The following PDE4D variants were observed in gnomAD, a reference collection of about 807,000 sequenced individuals.
The protein encoded by PDE4D is phosphodiesterase 4D.
A neutral mutation model predicts 87.4 loss-of-function variants in PDE4D; 24 were observed. The observed-to-expected ratio is 0.27, with a 90% CI of 0.20 to 0.39. The LOEUF (loss-of-function observed/expected upper bound fraction) is 0.39. Ranked by LOEUF, PDE4D falls within the 10% of genes least tolerant of loss-of-function variation. The pLI is 1.00. For missense variants in PDE4D, 714 were observed against 1,041.0 expected (o/e 0.69, Z 4.32); for synonymous variants, 384 against 383.2 (o/e 1.00, Z -0.02).
intron 1 of PDE4D, among the ~76,000 whole-genome samples, chr5:60,486,468 C>T (rs563136968): frequency 9.2e-5 from 14 of 152,280 alleles, no homozygotes; most frequent in African/African-American, 2.9e-4. Context: ...AAGGAGTCTA[C>T]GTTGGCTACT....
rs917355193 is a variant in PDE4D at position 59,557,407 on chromosome 5, T to A, written c.455+335761A>T. 9.8e-5 allele frequency among the ~76,000 whole-genome samples: 15 copies of A among 152,312 alleles called. No homozygotes were observed. In the East Asian group the frequency reaches 2.9e-3, roughly 29 times the overall value. On this transcript the variant is annotated intron_variant, in intron 1 of 14. Transcript: ENST00000340635. ...GTTTTATTTTCTGGCCAGGTTGGCA[T>A]TTTGAGATCTAGAATCTTTATATGC... is the stretch of plus-strand genomic sequence containing the variant.
intron 1 of PDE4D, among the ~76,000 whole-genome samples, chr5:59,594,928 C>T (rs1295877386): frequency 6.6e-6 from 1 of 151,786 alleles, no homozygotes; most frequent in Non-Finnish European, 1.5e-5. Flanking sequence ...AAAAAATGTA[C>T]CACTTTTGTG....
At chr5:59,419,784 T>C (rs1224476932) in intron 1 of PDE4D, among the ~76,000 whole-genome samples, 1 of 152,210 alleles carries the variant, frequency 6.6e-6, no homozygotes, top group East Asian at 1.9e-4. Flanking sequence ...CATAGATACA[T>C]CTTTTGATGG....
Position 59,762,310 on chromosome 5 carries a change from G to GTATATGGGTACACATATGCA in PDE4D, c.455+130857_455+130858insTGCATATGTGTACCCATATA, listed in dbSNP as rs1561615241. On this transcript the variant is annotated intron_variant, in intron 1 of 14. Coordinates refer to ENST00000340635, the MANE Select transcript of PDE4D (RefSeq NM_001104631.2). ...TATGCGTATATGGGTACACATATGC[G>GTATATGGGTACACATATGCA]TATATGGGTACACATATGCGTATAT... Among the ~76,000 whole-genome samples, 45 of 146,588 alleles carry GTATATGGGTACACATATGCA rather than the reference G, an allele frequency of 3.1e-4. 3 individuals are homozygous for GTATATGGGTACACATATGCA. The highest frequency in any genetic ancestry group is 1.2e-3 in the African/African-American group (44 of 37,644).
intron 3 of PDE4D, among the ~76,000 whole-genome samples, chr5:59,928,358 A>G (rs1046638818): frequency 6.6e-6 from 1 of 152,000 alleles, no homozygotes; most frequent in African/African-American, 2.4e-5. Flanking sequence ...TGGGCAGATG[A>G]CCTGAGGTCA....
chr5:59,352,087 C>T (rs527849377), intron 1 of PDE4D, among the ~76,000 whole-genome samples: 2 of 152,226 alleles, frequency 1.3e-5, no homozygotes, highest in South Asian at 2.1e-4. Context: ...CTAGATCCAC[C>T]TCCCGAGGCT....
At chr5:59,183,668 C>A (rs1742218526) in intron 4 of PDE4D, among the ~76,000 whole-genome samples, 1 of 152,188 alleles carries the variant, frequency 6.6e-6, no homozygotes, top group South Asian at 2.1e-4. Flanking sequence ...TTACAAGCTA[C>A]CAAATCCCCA....
intron 2 of PDE4D, among the ~76,000 whole-genome samples, chr5:60,080,913 T>C (rs1773856228): frequency 6.6e-6 from 1 of 151,938 alleles, no homozygotes; most frequent in African/African-American, 2.4e-5. Context: ...TAGGGAGGAG[T>C]CCCTCCTTTT....
intron 1 of PDE4D, among the ~76,000 whole-genome samples, chr5:59,850,180 A>G (rs1581412669): frequency 6.6e-6 from 1 of 152,038 alleles, no homozygotes; most frequent in East Asian, 1.9e-4. Context: ...ACATGCACAC[A>G]CACACATATT....
chr5:60,500,241 C>T (rs1750007394), intron 1 of PDE4D, among the ~76,000 whole-genome samples: 1 of 152,070 alleles, frequency 6.6e-6, no homozygotes, highest in South Asian at 2.1e-4. Context: ...AAGGTCGAGG[C>T]TGCAGTGAGC....
At chr5:60,149,126 G>C (rs944733316) in intron 2 of PDE4D, among the ~76,000 whole-genome samples, 15 of 152,082 alleles carry the variant, frequency 9.9e-5, no homozygotes, top group Non-Finnish European at 1.5e-5. Context: ...TTCTTTTTCA[G>C]GTTTTCATTT....
chr5:60,041,552 C>A (rs1322218470), intron 2 of PDE4D, among the ~76,000 whole-genome samples: 2 of 152,178 alleles, frequency 1.3e-5, no homozygotes, highest in South Asian at 2.1e-4. Flanking sequence ...CAGCTCCCAG[C>A]GAGACCAATG....
intron 1 of PDE4D, among the ~76,000 whole-genome samples, chr5:59,380,851 C>G (rs1785667977): frequency 6.6e-6 from 1 of 151,984 alleles, no homozygotes; most frequent in African/African-American, 2.4e-5. Flanking sequence ...AAAACTACCA[C>G]AGAGCAAATC....
intron 1 of PDE4D, among the ~76,000 whole-genome samples, chr5:59,666,454 T>G (rs904533208): frequency 6.6e-6 from 1 of 152,134 alleles, no homozygotes; most frequent in Non-Finnish European, 1.5e-5. Context: ...AGAAAAAAGG[T>G]CTAAGGAATT....
chr5:60,032,580 T>C (rs944502867), intron 2 of PDE4D, among the ~76,000 whole-genome samples: 1 of 152,174 alleles, frequency 6.6e-6, no homozygotes, highest in Non-Finnish European at 1.5e-5. Flanking sequence ...AATACAAACC[T>C]GCATTCAAAT....
At chr5:59,928,787 C>T (rs982235762) in intron 3 of PDE4D, among the ~76,000 whole-genome samples, 2 of 150,506 alleles carry the variant, frequency 1.3e-5, no homozygotes, top group African/African-American at 5.0e-5. Context: ...TAACTGTTGA[C>T]AGCCCCAAAG....
At chr5:59,990,435 A>G (rs1762889651) in intron 2 of PDE4D, among the ~76,000 whole-genome samples, 1 of 152,178 alleles carries the variant, frequency 6.6e-6, no homozygotes, top group East Asian at 1.9e-4. Context: ...ATATCTTGAA[A>G]AAAGGTAAAA....
intron 2 of PDE4D, among the ~76,000 whole-genome samples, chr5:60,062,775 T>TGAAGCTG (rs1389248638): frequency 1.3e-5 from 2 of 151,950 alleles, no homozygotes; most frequent in African/African-American, 4.8e-5. Flanking sequence ...GGGACATGGA[T>TGAAGCTG]GAAGCTGGAA....
intron 2 of PDE4D, among the ~76,000 whole-genome samples, chr5:60,072,005 A>C (rs1273893543): frequency 6.6e-6 from 1 of 152,044 alleles, no homozygotes; most frequent in African/African-American, 2.4e-5. Flanking sequence ...CTTTATGATG[A>C]AACAGTTTCT....
Sources: allele counts gnomAD v4.1 joint callset (sites outside exome capture counted in the v4.1 genomes callset), GRCh38; gene constraint gnomAD v4.1.1; transcripts MANE v1.5; gene names NCBI Gene and HGNC (gene_info 2026-07-23, HGNC 2026-07-21).